LRP4: variants seen among roughly 807,000 people sequenced by gnomAD.
LRP4 encodes LDL receptor related protein 4.
Under a neutral mutation model 220.3 loss-of-function variants are expected in LRP4, and 95 were observed. The observed-to-expected ratio is 0.43, with a 90% confidence interval of 0.37 to 0.51. The LOEUF is 0.51. Among genes scored for constraint, LRP4 ranks in the 20% least tolerant of loss-of-function variants. The pLI, the probability that LRP4 is intolerant of heterozygous loss-of-function variation, is 0.00. For missense variants in LRP4, 1,925 were observed against 2,567.0 expected (o/e 0.75, Z 5.40); for synonymous variants, 903 against 954.6 (o/e 0.95, Z 1.00).
intron 1 of LRP4, among the ~76,000 whole-genome samples, chr11:46,907,377 C>T (rs1352530202): frequency 1.3e-5 from 2 of 152,204 alleles, no homozygotes; most frequent in African/African-American, 2.4e-5. Context: ...TAACTAAAAT[C>T]TTACCTTTTA....
intron 2 of LRP4, among the ~76,000 whole-genome samples, chr11:46,900,816 T>G (rs951828135): frequency 6.6e-6 from 1 of 150,896 alleles, no homozygotes; most frequent in African/African-American, 2.4e-5. Flanking sequence ...AAACAGAGTC[T>G]GACTCTGTCA....
chr11:46,895,138 C>A, intron 11 of LRP4, 28 bp downstream of exon 11: 1 of 1,613,272 alleles, frequency 6.2e-7, no homozygotes, highest in Non-Finnish European at 8.5e-7. Context: ...GCCCTCTGCC[C>A]ACCCAGCCAA....
rs1340519265 is a variant in LRP4 at position 46,886,458 on chromosome 11, T to C, written c.2291A>G (p.Asp764Gly). The C allele has an allele frequency of 6.2e-7, 1 of 1,614,022 alleles. No homozygotes were observed. The highest frequency in any genetic ancestry group is 8.5e-7 in the Non-Finnish European group (1 of 1,180,030). ...RISFDTEDLS[D>G]DVIPLADVRS... The stretch of plus-strand genomic sequence containing the variant: ...CACGTCAGCCAGTGGGATGACATCA[T>C]CAGACAGGTCCTCTGTGTCAAAGCT... Residue 764 changes from aspartate to glycine, a missense_variant, in exon 17 of 38, where the codon GAT (aspartate) becomes GGT (glycine). Coordinates refer to ENST00000378623, the MANE Select transcript of LRP4 (RefSeq NM_002334.4).
At chr11:46,884,077 A>G (rs1450777953) in intron 18 of LRP4, 101 bp from the exon 19 acceptor site, 1 of 863,648 alleles carries the variant, frequency 1.2e-6, no homozygotes. Flanking sequence ...CAGAGCACAG[A>G]GTAGGGGCTC....
chr11:46,864,415 A>G (rs777746083), intron 36 of LRP4, 33 bp downstream of exon 36: 1 of 1,460,080 alleles, frequency 6.8e-7, no homozygotes, highest in South Asian at 1.1e-5. Flanking sequence ...AAGACCAATG[A>G]GCATGTGGCC....
Position 46,886,396 on chromosome 11 carries a change from C to T in LRP4, c.2353G>A (p.Asp785Asn), listed in dbSNP as rs778352818. 2 of 1,612,238 alleles carry T rather than the reference C, an allele frequency of 1.2e-6. No individual in the cohort carries two copies. The highest frequency in any genetic ancestry group is 1.7e-6 in the Non-Finnish European group (2 of 1,179,144). ...AVALDWDSRDDHVYWTDVSTD... is the reference protein window; with the variant it reads ...AVALDWDSRDNHVYWTDVSTD... ...CTGACATCTGTCCAGTACACGTGGTCATCCCGGGAGTCCCAGTCAAGGGCC... is the reference window on the plus strand; with the variant it reads ...CTGACATCTGTCCAGTACACGTGGTTATCCCGGGAGTCCCAGTCAAGGGCC... The change falls in exon 17 of 38, where the codon GAC (aspartate) becomes AAC (asparagine). Residue 785 changes from aspartate (D) to asparagine (N), a missense_variant. Transcript: ENST00000378623.
At chr11:46,900,013 G>T in intron 3 of LRP4, 37 bp from the exon 4 acceptor site, 1 of 1,518,202 alleles carries the variant, frequency 6.6e-7, no homozygotes, top group Non-Finnish European at 9.1e-7. Context: ...TGCAGGCAGT[G>T]GGGGTCTGGT....
intron 30 of LRP4, among the ~76,000 whole-genome samples, chr11:46,871,927 A>T (rs1940876031): frequency 6.6e-6 from 1 of 152,122 alleles, no homozygotes; most frequent in South Asian, 2.1e-4. Context: ...CCTACCCAAT[A>T]ATCAAAGCCC....
chr11:46,864,967 T>A, intron 35 of LRP4, 152 bp downstream of exon 35: 1 of 747,332 alleles, frequency 1.3e-6, no homozygotes. Context: ...TCACTGTAAG[T>A]GGTGAGAGCT....
chr11:46,899,875 C>A lies in LRP4; in HGVS notation c.418G>T (p.Asp140Tyr), dbSNP rs781681900. The change falls in exon 4 of 38, where the codon GAT becomes TAT. Residue 140 changes from aspartate (D) to tyrosine (Y), a missense_variant. Physicochemically the swap from Asp to Tyr is radical, Grantham distance 160. Around this residue, in one of 3 missense-constraint regions of LRP4, gnomAD observed 412 missense variants for 505.4 expected, o/e 0.82. Coordinates refer to ENST00000378623, the MANE Select transcript of LRP4 (RefSeq NM_002334.4). This position sits in a 1 kb window ranked among gnomAD's most constrained non-coding sequence, Gnocchi z 5.9. ...TGGGGTCACCCACCACACTGCTCAT[C>A]GCTGTTGTCGCCACAGTCATTGTCA... is the stretch of plus-strand genomic sequence containing the variant. Reference protein sequence around the residue: ...DGDNDCGDNSDEQCDMRKCSD... With the variant: ...DGDNDCGDNSYEQCDMRKCSD... 1 of 1,613,910 alleles carries A rather than the reference C, an allele frequency of 6.2e-7. No individual in the cohort carries two copies. Among genetic ancestry groups the A allele is most frequent in the Non-Finnish European group, 8.5e-7 (1 of 1,179,990 alleles).
At position 46,879,120 on chromosome 11, in the gene LRP4, G is replaced by T; in HGVS notation, c.3004+6C>A. ...GAGAAGCCAATGCGAGCCAAGGGCT[G>T]CTCACCTGGGGGCCGGCGGCGGTGG... On this transcript the variant is annotated splice_donor_region_variant and intron_variant, in intron 21 of 37. Transcript: ENST00000378623. 1 of 1,614,224 alleles carries T rather than the reference G, an allele frequency of 6.2e-7. No individual in the cohort carries two copies. Among genetic ancestry groups the T allele is most frequent in the Non-Finnish European group, 8.5e-7 (1 of 1,180,028 alleles).
In LRP4 at chr11:46,886,167, T is replaced by C. The variant is rs1402996218; in HGVS notation, c.2430A>G (p.Val810=). ...AKWDGTGQEV[V]VDTSLESPAG... ...CTGGGCTCTCCAAACTGGTATCCAC[T>C]ACCACCTGGGCAGGAAGCAAAGCTG... The change falls in exon 18 of 38, where the codon GTA becomes GTG. Residue 810 remains valine, a synonymous_variant. Coordinates refer to ENST00000378623, the MANE Select transcript of LRP4 (RefSeq NM_002334.4). The C allele has an allele frequency of 1.2e-6, 2 of 1,613,936 alleles. No homozygotes were observed. Among genetic ancestry groups the C allele is most frequent in the Non-Finnish European group, 1.7e-6 (2 of 1,179,832 alleles).
At chr11:46,911,359 G>C (rs962612042) in intron 1 of LRP4, among the ~76,000 whole-genome samples, 6 of 152,074 alleles carry the variant, frequency 3.9e-5, no homozygotes, top group African/African-American at 1.4e-4. Flanking sequence ...GCTGTGCTCT[G>C]TGAAGGGCTG....
At chr11:46,900,201 A>T in intron 3 of LRP4, 61 bp downstream of exon 3, 1 of 1,314,810 alleles carries the variant, frequency 7.6e-7, no homozygotes, top group Non-Finnish European at 1.1e-6. Context: ...TTGCTTTCTG[A>T]TTGAAAATCC....
intron 7 of LRP4, among the ~76,000 whole-genome samples, chr11:46,898,254 C>T (rs1482028946): frequency 2.0e-5 from 3 of 152,240 alleles, no homozygotes; most frequent in South Asian, 2.1e-4. Flanking sequence ...GACGCCGTCT[C>T]GGGTCACTGC....
rs570434681 is a variant in LRP4 at position 46,894,041 on chromosome 11, G to A, written c.1540+548C>T. Among the ~76,000 whole-genome samples, 21 of 151,570 alleles carry A rather than the reference G, an allele frequency of 1.4e-4. No homozygotes were observed. In the South Asian group the frequency reaches 1.9e-3, roughly 14 times the overall value. On this transcript the variant is annotated intron_variant, in intron 12 of 37. Transcript: ENST00000378623. The stretch of plus-strand genomic sequence containing the variant: ...CAAGTAGCTGGGATTACAGGCATGC[G>A]CCACCACGCCCGGCTAACTTTTGTA...
Position 46,890,568 on chromosome 11 carries a change from G to A in LRP4, c.1698-74C>T, listed in dbSNP as rs1941400440. ...GTAACCAGGAGAATAATCAGGTAGG[G>A]CGCTTTTATCCATTTAACTCAGGGG... On this transcript the variant is annotated intron_variant, in intron 13 of 37. Transcript: ENST00000378623. This position sits in a 1 kb window ranked among gnomAD's most constrained non-coding sequence, Gnocchi z 5.3. 1 of 1,070,902 alleles carries A rather than the reference G, an allele frequency of 9.3e-7. No homozygotes were observed. Among genetic ancestry groups the A allele is most frequent in the Non-Finnish European group, 1.4e-6 (1 of 709,626 alleles). The allele number at this position is 1,070,902 out of a possible 1,614,324, so 66.3% of individuals were successfully genotyped here. A position where few individuals can be genotyped will look rare whatever the true frequency, so the allele number is the denominator to read the frequency against.
In LRP4 at chr11:46,859,076, G is replaced by A. The variant is rs764879036; in HGVS notation, c.5625C>T (p.Ser1875=). The change falls in exon 38 of 38, where the codon AGC becomes AGT. Residue 1875 remains serine (S), a synonymous_variant. Coordinates refer to ENST00000378623, the MANE Select transcript of LRP4 (RefSeq NM_002334.4). ...LLQEEQSECS[S]VHTAATPERR... ...TTTCTGGAGTGGCTGCAGTATGGAC[G>A]CTGCTACACTCAGACTGCTCTTCCT... is the stretch of plus-strand genomic sequence containing the variant. 28 of 1,613,982 alleles carry A rather than the reference G, an allele frequency of 1.7e-5. No individual in the cohort carries two copies. The highest frequency in any genetic ancestry group is 8.0e-5 in the African/African-American group (6 of 74,906).
intron 1 of LRP4, among the ~76,000 whole-genome samples, chr11:46,907,329 T>A (rs1365131697): frequency 1.3e-5 from 2 of 152,218 alleles, no homozygotes; most frequent in Non-Finnish European, 2.9e-5. Context: ...GCTTTTGGGA[T>A]ATATGTTAAT....
Sources: gnomAD v4.1 joint callset for allele counts (sites outside exome capture counted in the v4.1 genomes callset) on GRCh38, gnomAD v4.1.1 for gene constraint, gnomAD v4.1.1 regional missense constraint, Gnocchi (gnomAD v3.1) non-coding constraint, MANE v1.5 for transcripts, NCBI Gene and HGNC (gene_info 2026-07-23, HGNC 2026-07-21) for gene names.